Variants in CFAP299 observed in about 807,000 individuals in gnomAD.
CFAP299 encodes cilia- and flagella-associated protein 299.
In CFAP299, 21 loss-of-function variants were observed where a neutral mutation model predicts 27.0. That is an observed-to-expected ratio of 0.78 (90% CI 0.55 to 1.12). The LOEUF (loss-of-function observed/expected upper bound fraction) is 1.12, where lower values mean the gene tolerates loss of function less well. Among genes scored for constraint, CFAP299 ranks in the 50% most tolerant of loss-of-function variants. The pLI is 0.00. For missense variants in CFAP299, 310 were observed against 276.6 expected (o/e 1.12, Z -0.86); for synonymous variants, 104 against 98.1 (o/e 1.06, Z -0.36).
At chr4:80,833,144 T>C (rs73829158) in intron 3 of CFAP299, among the ~76,000 whole-genome samples, 3,302 of 152,278 alleles carry the variant, frequency 0.022, 58 homozygotes, top group African/African-American at 0.052. Context: ...TTTTGCAGTA[T>C]GTGCTGAACA....
intron 2 of CFAP299, among the ~76,000 whole-genome samples, chr4:80,453,621 A>G (rs1380375693): frequency 2.0e-5 from 3 of 151,946 alleles, no homozygotes; most frequent in Non-Finnish European, 2.9e-5. Context: ...TGGGTGGATC[A>G]TTTGAGGTCA....
intron 4 of CFAP299, among the ~76,000 whole-genome samples, chr4:80,906,413 C>T (rs569463966): frequency 4.6e-5 from 7 of 152,298 alleles, no homozygotes; most frequent in South Asian, 4.1e-4. Flanking sequence ...AGTGAATCTA[C>T]GATTCTGGGG....
chr4:80,406,340 T>G (rs1016328813), intron 2 of CFAP299, among the ~76,000 whole-genome samples: 24 of 152,152 alleles, frequency 1.6e-4, no homozygotes, highest in African/African-American at 5.5e-4. Flanking sequence ...TCATACTCTA[T>G]CCATTCCTAA....
intron 3 of CFAP299, among the ~76,000 whole-genome samples, chr4:80,832,428 AG>A (rs1488685229): frequency 1.3e-5 from 2 of 152,212 alleles, no homozygotes; most frequent in African/African-American, 4.8e-5. Flanking sequence ...ATATTAGTAA[AG>A]AAAAGAAAAG....
chr4:80,444,643 C>G (rs1421348233), intron 2 of CFAP299, among the ~76,000 whole-genome samples: 1 of 152,022 alleles, frequency 6.6e-6, no homozygotes, highest in Non-Finnish European at 1.5e-5. Context: ...ACTAAAACAC[C>G]AAAAGTAATT....
chr4:80,860,891 A>G (rs1259980601), intron 3 of CFAP299, among the ~76,000 whole-genome samples: 3 of 152,308 alleles, frequency 2.0e-5, no homozygotes, highest in East Asian at 3.9e-4. Flanking sequence ...CAGTCTGCCC[A>G]TTCTCAGATC....
intron 2 of CFAP299, among the ~76,000 whole-genome samples, chr4:80,463,474 CTGTT>C (rs1428444669): frequency 6.6e-6 from 1 of 152,100 alleles, no homozygotes; most frequent in African/African-American, 2.4e-5. Flanking sequence ...ATGTATTAGT[CTGTT>C]TGGGCTGCCG....
At chr4:80,493,362 T>G (rs1465607836) in intron 2 of CFAP299, among the ~76,000 whole-genome samples, 1 of 152,228 alleles carries the variant, frequency 6.6e-6, no homozygotes, top group East Asian at 1.9e-4. Flanking sequence ...CCCCTGCTAC[T>G]GTGTCATTCC....
chr4:80,330,144 G>T, the CFAP299 span, among the ~76,000 whole-genome samples: 1 of 152,068 alleles, frequency 6.6e-6, no homozygotes, highest in African/African-American at 2.4e-5. Flanking sequence ...CTTGAAATCA[G>T]TCTCTGGCTA....
chr4:80,332,056 C>T (rs1721961900), upstream of CFAP299, among the ~76,000 whole-genome samples: 1 of 152,118 alleles, frequency 6.6e-6, no homozygotes, highest in African/African-American at 2.4e-5. Context: ...GTGACAGAAG[C>T]TAAAAGAGAA....
chr4:80,359,703 T>C (rs1481481272), intron 1 of CFAP299, among the ~76,000 whole-genome samples: 3 of 152,190 alleles, frequency 2.0e-5, no homozygotes, highest in African/African-American at 7.2e-5. Flanking sequence ...ACTGTCTACT[T>C]TGTCTGTCAG....
intron 2 of CFAP299, among the ~76,000 whole-genome samples, chr4:80,364,089 A>AACACACACACCCACACACACACAC (rs371907109): frequency 2.7e-5 from 3 of 110,844 alleles, no homozygotes; most frequent in African/African-American, 7.7e-5. Flanking sequence ...TCCGTCTCAA[A>AACACACACACCCACACACACACAC]ACACACACAC....
At chr4:80,652,030 A>G (rs1236682953) in intron 3 of CFAP299, among the ~76,000 whole-genome samples, 1 of 152,126 alleles carries the variant, frequency 6.6e-6, no homozygotes, top group East Asian at 1.9e-4. Flanking sequence ...TTTTGAAAAT[A>G]CAGAAGAAAC....
the CFAP299 span, among the ~76,000 whole-genome samples, chr4:80,321,324 AT>A: frequency 4.6e-5 from 7 of 151,638 alleles, no homozygotes; most frequent in East Asian, 3.9e-4. Flanking sequence ...TTATTAATTC[AT>A]TTTTTTTTCT....
intron 3 of CFAP299, among the ~76,000 whole-genome samples, chr4:80,798,912 C>T (rs1728030511): frequency 6.6e-6 from 1 of 151,356 alleles, no homozygotes; most frequent in East Asian, 1.9e-4. Flanking sequence ...CAGTGTTCTC[C>T]ATACTATTGG....
At chr4:80,458,201 AAG>A (rs1378810248) in intron 2 of CFAP299, among the ~76,000 whole-genome samples, 3 of 152,240 alleles carry the variant, frequency 2.0e-5, no homozygotes, top group African/African-American at 7.2e-5. Flanking sequence ...CCCAAAATTC[AAG>A]AGTCACATGA....
chr4:80,419,371 G>C (rs887023370), intron 2 of CFAP299, among the ~76,000 whole-genome samples: 1 of 152,144 alleles, frequency 6.6e-6, no homozygotes, highest in Admixed American at 6.5e-5. Flanking sequence ...GAATGCATGA[G>C]CATTGTGTTT....
chr4:80,937,028 C>T lies in CFAP299; in HGVS notation c.477-7782C>T, dbSNP rs368748101. Among the ~76,000 whole-genome samples the T allele has an allele frequency of 4.1e-3, 616 of 151,984 alleles. 1 individual carries two copies. Among genetic ancestry groups the T allele is most frequent in the Middle Eastern group, 0.014 (4 of 294 alleles). ...TCATTTTCTGGCTGGGTGATCTATC[C>T]AATGATATAAGTGGGGTGTAGATGT... On this transcript the variant is annotated intron_variant, in intron 4 of 5. Coordinates refer to ENST00000358105, the MANE Select transcript of CFAP299 (RefSeq NM_152770.3).
chr4:80,362,313 A>G (rs898545688), intron 1 of CFAP299, among the ~76,000 whole-genome samples: 2 of 151,610 alleles, frequency 1.3e-5, no homozygotes, highest in African/African-American at 4.8e-5. Flanking sequence ...AGGCTCTAAA[A>G]CAATGAGCTC....
Sources: gnomAD v4.1 joint callset for allele counts (sites outside exome capture counted in the v4.1 genomes callset) on GRCh38, gnomAD v4.1.1 for gene constraint, MANE v1.5 for transcripts, NCBI Gene and HGNC (gene_info 2026-07-23, HGNC 2026-07-21) for gene names.